The following DPP10 variants were observed in gnomAD, a reference collection of about 807,000 sequenced individuals.
DPP10 encodes dipeptidyl peptidase like 10.
Under a neutral mutation model 120.9 loss-of-function variants are expected in DPP10, and 33 were observed. That is an observed-to-expected ratio of 0.27 (90% CI 0.21 to 0.37). The LOEUF (loss-of-function observed/expected upper bound fraction) is 0.37, where lower values mean the gene tolerates loss of function less well. Ranked by LOEUF, DPP10 falls within the 10% of genes least tolerant of loss-of-function variation. DPP10 has a pLI of 1.00. For missense variants in DPP10, 816 were observed against 942.8 expected (o/e 0.87, Z 1.76); for synonymous variants, 337 against 326.1 (o/e 1.03, Z -0.36).
intron 5 of DPP10, among the ~76,000 whole-genome samples, chr2:115,547,537 A>G (rs2079586662): frequency 6.6e-6 from 1 of 152,114 alleles, no homozygotes; most frequent in Non-Finnish European, 1.5e-5. Flanking sequence ...ACTTTGGGAC[A>G]CTAAGGCAGG....
intron 1 of DPP10, among the ~76,000 whole-genome samples, chr2:114,458,854 A>G (rs1558775707): frequency 6.6e-6 from 1 of 152,252 alleles, no homozygotes; most frequent in South Asian, 2.1e-4. Context: ...ACAATGTTGA[A>G]GGTCATCTTG....
intron 1 of DPP10, among the ~76,000 whole-genome samples, chr2:114,523,858 T>C (rs1204985319): frequency 6.6e-6 from 1 of 152,094 alleles, no homozygotes; most frequent in Non-Finnish European, 1.5e-5. Context: ...ACCCTAATGA[T>C]CCATCTCACA....
intron 19 of DPP10, among the ~76,000 whole-genome samples, chr2:115,805,308 G>A (rs146711352): frequency 0.02 from 3,083 of 152,178 alleles, 88 homozygotes; most frequent in African/African-American, 0.062. Flanking sequence ...GGAGTGACCC[G>A]ATTTTCCAGG....
At chr2:114,962,280 T>C (rs552843134) in intron 1 of DPP10, among the ~76,000 whole-genome samples, 4 of 152,206 alleles carry the variant, frequency 2.6e-5, no homozygotes, top group Non-Finnish European at 5.9e-5. Flanking sequence ...TGTTTCCTTG[T>C]GTGTTTTGCA....
At chr2:115,061,092 C>T (rs1030592668) in intron 1 of DPP10, among the ~76,000 whole-genome samples, 1 of 152,166 alleles carries the variant, frequency 6.6e-6, no homozygotes, top group African/African-American at 2.4e-5. Flanking sequence ...TTCTTCTCCC[C>T]TGCCCACACT....
At chr2:115,830,627 T>C (rs980096787) in intron 21 of DPP10, among the ~76,000 whole-genome samples, 1 of 152,016 alleles carries the variant, frequency 6.6e-6, no homozygotes, top group African/African-American at 2.4e-5. Flanking sequence ...CTAAACATAA[T>C]TGGTGAAATA....
At position 115,800,873 on chromosome 2, in the gene DPP10, C is replaced by T. The variant is rs1286293841; in HGVS notation, c.1700+9517C>T. ...TAGTTTGAAGTCAGGTAGCGTGATG[C>T]CTCCAGCTTTGTTCTTTTGGCTTAG... On this transcript the variant is annotated intron_variant, in intron 19 of 25. Coordinates refer to ENST00000410059, the MANE Select transcript of DPP10 (RefSeq NM_020868.6). Among the ~76,000 whole-genome samples the T allele has an allele frequency of 3.3e-5, 5 of 151,874 alleles. No individual in the cohort carries two copies. In the South Asian group the frequency reaches 8.3e-4, roughly 25 times the overall value.
intron 1 of DPP10, among the ~76,000 whole-genome samples, chr2:115,225,351 C>G (rs1354649982): frequency 1.3e-5 from 2 of 152,038 alleles, no homozygotes; most frequent in South Asian, 4.2e-4. Flanking sequence ...ACGTGAGAGG[C>G]CGATCTCAGG....
chr2:115,190,566 C>T (rs966979351), intron 1 of DPP10, among the ~76,000 whole-genome samples: 11 of 152,174 alleles, frequency 7.2e-5, no homozygotes, highest in Admixed American at 2.0e-4. Context: ...ACTCGCTTTT[C>T]CCCCGGCGGT....
intron 5 of DPP10, among the ~76,000 whole-genome samples, chr2:115,600,257 C>T (rs916578901): frequency 1.3e-5 from 2 of 152,058 alleles, no homozygotes; most frequent in African/African-American, 4.8e-5. Flanking sequence ...TTGATTTTAT[C>T]CAGCATTTAG....
intron 1 of DPP10, among the ~76,000 whole-genome samples, chr2:114,852,952 T>TA (rs1689081238): frequency 6.6e-6 from 1 of 152,194 alleles, no homozygotes; most frequent in Non-Finnish European, 1.5e-5. Flanking sequence ...TATTTTGTGA[T>TA]AAAAATTCCG....
rs1459434581 is a variant in DPP10, at chr2:115,792,938, A to G, written c.1700+1582A>G. ...ATGATATTTATGCAGACGAATGTGTAGATAATTATGCCCACTTGCGTATCC... is the reference window on the plus strand; with the variant it reads ...ATGATATTTATGCAGACGAATGTGTGGATAATTATGCCCACTTGCGTATCC... On this transcript the variant is annotated intron_variant, in intron 19 of 25. Coordinates refer to ENST00000410059, the MANE Select transcript of DPP10 (RefSeq NM_020868.6). Among the ~76,000 whole-genome samples the G allele has an allele frequency of 2.0e-5, 3 of 152,222 alleles. No homozygotes were observed. The East Asian group carries it at 5.8e-4, about 29-fold the overall frequency.
At chr2:115,574,008 A>G (rs1170761023) in intron 5 of DPP10, among the ~76,000 whole-genome samples, 1 of 152,120 alleles carries the variant, frequency 6.6e-6, no homozygotes, top group Non-Finnish European at 1.5e-5. Context: ...TTCTAACCAC[A>G]GTCCATGTGA....
At chr2:115,741,189 A>C (rs1677217157) in intron 9 of DPP10, among the ~76,000 whole-genome samples, 1 of 152,100 alleles carries the variant, frequency 6.6e-6, no homozygotes, top group South Asian at 2.1e-4. Flanking sequence ...CCTCAGTGAG[A>C]TTTCTCATCC....
chr2:114,481,882 A>G lies in DPP10; in HGVS notation c.60+39044A>G, dbSNP rs180708453. 3.7e-3 allele frequency among the ~76,000 whole-genome samples: 564 copies of G among 151,694 alleles called. 2 individuals carry two copies. The highest frequency in any genetic ancestry group is 0.013 in the African/African-American group (537 of 41,378). On this transcript the variant is annotated intron_variant, in intron 1 of 25. Transcript: ENST00000410059. ...GTTCTTCACAAGGAGAGAGAGAGAG[A>G]GAGAAGAAGGAGAAGAGAGGAGAAG... is the stretch of plus-strand genomic sequence containing the variant.
At chr2:115,017,282 G>A (rs1444525643) in intron 1 of DPP10, among the ~76,000 whole-genome samples, 1 of 151,412 alleles carries the variant, frequency 6.6e-6, no homozygotes, top group Admixed American at 6.6e-5. Flanking sequence ...TCAGAGAAAT[G>A]CAAATCAAAA....
chr2:114,498,403 A>G (rs2104494765), intron 1 of DPP10, among the ~76,000 whole-genome samples: 1 of 152,302 alleles, frequency 6.6e-6, no homozygotes, highest in African/African-American at 2.4e-5. Flanking sequence ...TTCCACATAT[A>G]ACTGAGATCT....
At chr2:115,486,658 G>C (rs1049691446) in intron 3 of DPP10, among the ~76,000 whole-genome samples, 2 of 152,132 alleles carry the variant, frequency 1.3e-5, no homozygotes, top group Non-Finnish European at 2.9e-5. Flanking sequence ...ACTGAAGAAA[G>C]TTAATCAGTT....
chr2:115,272,825 A>C lies in DPP10; in HGVS notation c.61-36414A>C, dbSNP rs545842174. ...TGCGCTGAGCAGAAAAGGTGAGGCT[A>C]TTCAGGGTTCTGTAATGCTCAATTC... is the stretch of plus-strand genomic sequence containing the variant. On this transcript the variant is annotated intron_variant, in intron 1 of 25. Transcript: ENST00000410059. 6.6e-5 allele frequency among the ~76,000 whole-genome samples: 10 copies of C among 152,338 alleles called. No individual in the cohort carries two copies. The South Asian group carries it at 1.9e-3, about 28-fold the overall frequency.
Sources: allele counts gnomAD v4.1 joint callset (sites outside exome capture counted in the v4.1 genomes callset), GRCh38; gene constraint gnomAD v4.1.1; transcripts MANE v1.5; gene names NCBI Gene and HGNC (gene_info 2026-07-23, HGNC 2026-07-21).